The following MCTP2 variants were observed in gnomAD, a reference collection of about 807,000 sequenced individuals.
MCTP2 encodes multiple C2 and transmembrane domain-containing protein 2.
A neutral mutation model predicts 111.6 loss-of-function variants in MCTP2; 132 were observed. The observed-to-expected ratio is 1.18, with a 90% confidence interval of 1.03 to 1.37. The LOEUF is 1.37. Ranked by LOEUF, MCTP2 falls within the 40% of genes most tolerant of loss-of-function variation. The pLI is 0.00. For missense variants in MCTP2, 1,183 were observed against 1,067.9 expected (o/e 1.11, Z -1.50); for synonymous variants, 395 against 387.7 (o/e 1.02, Z -0.22).
chr15:94,470,078 A>G (rs1024761544), intron 20 of MCTP2, among the ~76,000 whole-genome samples: 6 of 152,144 alleles, frequency 3.9e-5, no homozygotes, highest in African/African-American at 1.2e-4. Context: ...CTCTGGAACT[A>G]TGGGTTCCAG....
intron 4 of MCTP2, among the ~76,000 whole-genome samples, chr15:94,334,645 C>G (rs889019635): frequency 2.6e-5 from 4 of 152,156 alleles, no homozygotes; most frequent in African/African-American, 9.7e-5. Flanking sequence ...TAGCAATTCT[C>G]CTGCTTCAGC....
At position 94,480,240 on chromosome 15, in the gene MCTP2, A is replaced by G. The variant is rs1188080282; in HGVS notation, c.*1206A>G. 6.6e-6 allele frequency: 1 copy of G among 152,162 alleles called. No homozygotes were observed. The highest frequency in any genetic ancestry group is 1.5e-5 in the Non-Finnish European group (1 of 68,038). 9.4% of individuals were successfully genotyped at this position (152,162 alleles called of 1,614,324 possible). On this transcript the variant is annotated 3_prime_UTR_variant, in exon 23 of 23. Coordinates refer to ENST00000357742, the MANE Select transcript of MCTP2 (RefSeq NM_001385001.1). Reference sequence around the variant, plus strand: ...TTTAAAGACTGTATTTTGTTGACACATACTTTGTGCAGTTTTTATGTATGT... The same window carrying G: ...TTTAAAGACTGTATTTTGTTGACACGTACTTTGTGCAGTTTTTATGTATGT...
intron 20 of MCTP2, among the ~76,000 whole-genome samples, chr15:94,465,576 C>T (rs1028362958): frequency 2.6e-5 from 4 of 152,194 alleles, no homozygotes; most frequent in Admixed American, 2.6e-4. Flanking sequence ...TGACTACAGT[C>T]TCACCTTTCT....
At chr15:94,470,500 A>G in intron 21 of MCTP2, 58 bp downstream of exon 21, 1 of 1,123,880 alleles carries the variant, frequency 8.9e-7, no homozygotes, top group South Asian at 1.2e-5. Context: ...CCAATTACTC[A>G]TTTTTAAAGT....
At chr15:94,344,358 G>A (rs1331416668) in intron 7 of MCTP2, among the ~76,000 whole-genome samples, 2 of 152,176 alleles carry the variant, frequency 1.3e-5, no homozygotes, top group Non-Finnish European at 1.5e-5. Flanking sequence ...AATGTGGTCT[G>A]CTCAATTAGG....
chr15:94,249,478 G>C (rs2072250110), intron 1 of MCTP2, among the ~76,000 whole-genome samples: 1 of 151,784 alleles, frequency 6.6e-6, no homozygotes, highest in Admixed American at 6.6e-5. Context: ...TTCCCACTGA[G>C]TCTCAGAATC....
chr15:94,328,758 G>A (rs931844547), intron 4 of MCTP2, among the ~76,000 whole-genome samples: 1 of 152,194 alleles, frequency 6.6e-6, no homozygotes, highest in African/African-American at 2.4e-5. Flanking sequence ...TTCTGGGAGT[G>A]TAAGTTTGGA....
intron 21 of MCTP2, among the ~76,000 whole-genome samples, chr15:94,474,818 T>A (rs376622671): frequency 1.1e-4 from 17 of 152,110 alleles, no homozygotes; most frequent in African/African-American, 3.6e-4. Context: ...AGGTGTGCAT[T>A]TGAAACATGC....
At chr15:94,437,912 G>C (rs1420757072) in intron 17 of MCTP2, among the ~76,000 whole-genome samples, 1 of 151,798 alleles carries the variant, frequency 6.6e-6, no homozygotes. Context: ...AAAGATGGCT[G>C]TAAGGAAAAA....
At chr15:94,449,136 T>C (rs1374351893) in intron 19 of MCTP2, among the ~76,000 whole-genome samples, 1 of 152,218 alleles carries the variant, frequency 6.6e-6, no homozygotes, top group Non-Finnish European at 1.5e-5. Flanking sequence ...ATACCACTTT[T>C]TTCTTCAAGG....
At chr15:94,339,474 C>T in intron 5 of MCTP2, 42 bp downstream of exon 5, 1 of 1,512,200 alleles carries the variant, frequency 6.6e-7, no homozygotes, top group Non-Finnish European at 8.9e-7. Context: ...TTATTAAAAA[C>T]ATTTCTCAGC....
In MCTP2 at chr15:94,339,370, C is replaced by T. The variant is rs2077520755; in HGVS notation, c.718C>T (p.Pro240Ser). ...KSKVIYKNLN[P>S]VWDEIVVLPI... Reference sequence around the variant, plus strand: ...TAAAGTCATATATAAGAACTTGAACCCAGTATGGGATGAGATAGTTGTATT... The same window carrying T: ...TAAAGTCATATATAAGAACTTGAACTCAGTATGGGATGAGATAGTTGTATT... The change falls in exon 5 of 23, where the codon CCA becomes TCA. Residue 240 changes from proline (P) to serine (S), a missense_variant. Physicochemically the swap from Pro to Ser is moderately conservative, Grantham distance 74. Transcript: ENST00000357742. 7 of 1,611,958 alleles carry T rather than the reference C, an allele frequency of 4.3e-6. No individual in the cohort carries two copies. Among genetic ancestry groups the T allele is most frequent in the Admixed American group, 1.7e-5 (1 of 59,876 alleles).
At chr15:94,304,769 A>G (rs1327496579) in intron 2 of MCTP2, among the ~76,000 whole-genome samples, 1 of 152,054 alleles carries the variant, frequency 6.6e-6, no homozygotes, top group Non-Finnish European at 1.5e-5. Context: ...AACTTGACAT[A>G]CTCACACTTT....
intron 14 of MCTP2, among the ~76,000 whole-genome samples, chr15:94,390,087 TA>T: frequency 1.2e-4 from 1 of 8,388 alleles, no homozygotes; most frequent in Non-Finnish European, 3.7e-4. Context: ...TATATATATA[TA>T]TGTATATATA....
At chr15:94,474,578 G>T (rs2074193016) in intron 21 of MCTP2, among the ~76,000 whole-genome samples, 1 of 152,146 alleles carries the variant, frequency 6.6e-6, no homozygotes, top group African/African-American at 2.4e-5. Context: ...GACCAAGGTG[G>T]CTGGGTGTGG....
At chr15:94,328,344 G>T (rs28522742) in intron 4 of MCTP2, among the ~76,000 whole-genome samples, 21,297 of 151,830 alleles carry the variant, frequency 0.14, 1,928 homozygotes, top group African/African-American at 0.24. Flanking sequence ...TAGCCAGGAT[G>T]GTCTTGATCT....
At chr15:94,316,849 C>T (rs961930204) in intron 4 of MCTP2, among the ~76,000 whole-genome samples, 5 of 151,880 alleles carry the variant, frequency 3.3e-5, no homozygotes, top group African/African-American at 1.2e-4. Flanking sequence ...TTTCTTGCTT[C>T]GGTTCTTGGA....
At chr15:94,327,898 T>A (rs2076953030) in intron 4 of MCTP2, among the ~76,000 whole-genome samples, 1 of 152,192 alleles carries the variant, frequency 6.6e-6, no homozygotes, top group African/African-American at 2.4e-5. Flanking sequence ...CAGAATGTCT[T>A]GATGCTTTGC....
chr15:94,387,458 A>C (rs2152458712), intron 14 of MCTP2, among the ~76,000 whole-genome samples: 1 of 152,300 alleles, frequency 6.6e-6, no homozygotes, highest in East Asian at 1.9e-4. Context: ...CATTTTTCAA[A>C]ACATATCTTT....
Sources: gnomAD v4.1 joint callset for allele counts (sites outside exome capture counted in the v4.1 genomes callset) on GRCh38, gnomAD v4.1.1 for gene constraint, MANE v1.5 for transcripts, NCBI Gene and HGNC (gene_info 2026-07-23, HGNC 2026-07-21) for gene names.